The following ERBB4 variants were observed in gnomAD, a reference collection of about 807,000 sequenced individuals.
The protein encoded by ERBB4 is receptor tyrosine-protein kinase erbB-4.
A neutral mutation model predicts 158.0 loss-of-function variants in ERBB4; 42 were observed. The observed-to-expected ratio is 0.27, with a 90% CI of 0.21 to 0.34. The LOEUF is 0.34. Ranked by LOEUF, ERBB4 falls within the 10% of genes least tolerant of loss-of-function variation. The probability of loss-of-function intolerance (pLI) is 1.00; values close to 1 mark genes in which losing one functional copy is unlikely to be tolerated. For missense variants in ERBB4, 1,333 were observed against 1,624.1 expected (o/e 0.82, Z 3.08); for synonymous variants, 583 against 558.7 (o/e 1.04, Z -0.61).
intron 4 of ERBB4, among the ~76,000 whole-genome samples, chr2:211,755,448 G>A (rs1376426902): frequency 1.3e-5 from 2 of 152,206 alleles, no homozygotes; most frequent in African/African-American, 4.8e-5. Flanking sequence ...GTTGCAGTGA[G>A]CCATGATTGC....
chr2:211,702,257 G>T, intron 11 of ERBB4, 91 bp from the exon 12 acceptor site: 1 of 966,490 alleles, frequency 1.0e-6, no homozygotes, highest in South Asian at 1.3e-5. Flanking sequence ...GAATGTTAAT[G>T]GTGTATAAAT....
chr2:211,769,351 C>T (rs1322284336), intron 4 of ERBB4, among the ~76,000 whole-genome samples: 1 of 152,154 alleles, frequency 6.6e-6, no homozygotes, highest in African/African-American at 2.4e-5. Context: ...CTGAGCTCTC[C>T]ATATTCAAAC....
At chr2:211,897,957 T>C (rs79105728) in intron 3 of ERBB4, among the ~76,000 whole-genome samples, 2,560 of 151,908 alleles carry the variant, frequency 0.017, 86 homozygotes, top group African/African-American at 0.059. Context: ...AGAGAAGGGG[T>C]CTCACTTTGT....
chr2:211,542,702 T>G (rs562924090), intron 20 of ERBB4, among the ~76,000 whole-genome samples: 2 of 152,086 alleles, frequency 1.3e-5, no homozygotes, highest in East Asian at 1.9e-4. Context: ...TTTTTGCATT[T>G]TTTTAATCTC....
At chr2:212,125,047 G>A in intron 1 of ERBB4, 144 bp from the exon 2 acceptor site, 1 of 913,890 alleles carries the variant, frequency 1.1e-6, no homozygotes, top group Non-Finnish European at 1.7e-6. Context: ...AAGAGGCATA[G>A]ACCCACGCAC....
intron 3 of ERBB4, among the ~76,000 whole-genome samples, chr2:211,940,891 C>T (rs796657773): frequency 1.3e-4 from 20 of 152,228 alleles, no homozygotes; most frequent in Middle Eastern, 3.4e-3. Flanking sequence ...AGTTCTCTAA[C>T]GAATCAGTTG....
At chr2:212,352,687 G>A (rs924339440) in intron 1 of ERBB4, among the ~76,000 whole-genome samples, 1 of 151,958 alleles carries the variant, frequency 6.6e-6, no homozygotes, top group African/African-American at 2.4e-5. Context: ...GACCAACATG[G>A]TGAAACCCCA....
At chr2:212,197,477 A>G (rs1188882169) in intron 1 of ERBB4, among the ~76,000 whole-genome samples, 2 of 152,138 alleles carry the variant, frequency 1.3e-5, no homozygotes, top group Non-Finnish European at 2.9e-5. Flanking sequence ...TTTTATTATC[A>G]TTTTATATAT....
At position 211,615,612 on chromosome 2, in the gene ERBB4, T is replaced by C. The variant is rs115047178; in HGVS notation, c.2301+3565A>G. ...CCTGGGTGACCAAACTCTCCTTCTC[T>C]TGCTTTTAGTGTAGCATTTAATAGA... is the stretch of plus-strand genomic sequence containing the variant. On this transcript the variant is annotated intron_variant, in intron 19 of 27. Transcript: ENST00000342788. Among the ~76,000 whole-genome samples, 622 of 152,258 alleles carry C rather than the reference T, an allele frequency of 4.1e-3. 1 individual carries two copies. Among genetic ancestry groups the C allele is most frequent in the African/African-American group, 0.014 (600 of 41,568 alleles).
intron 7 of ERBB4, among the ~76,000 whole-genome samples, chr2:211,714,147 A>G (rs2073818765): frequency 1.3e-5 from 2 of 152,232 alleles, no homozygotes; most frequent in African/African-American, 4.8e-5. Flanking sequence ...TATACGAAGA[A>G]ACGAAATAAA....
intron 6 of ERBB4, among the ~76,000 whole-genome samples, chr2:211,723,083 A>G (rs1374446598): frequency 6.6e-6 from 1 of 152,218 alleles, no homozygotes; most frequent in Non-Finnish European, 1.5e-5. Flanking sequence ...GTAAAGAGGT[A>G]ATTAGCTACA....
intron 2 of ERBB4, among the ~76,000 whole-genome samples, chr2:212,024,365 T>A (rs2076726150): frequency 6.6e-6 from 1 of 151,966 alleles, no homozygotes; most frequent in Non-Finnish European, 1.5e-5. Flanking sequence ...GTTATCTTTA[T>A]ATTATCAGAA....
intron 3 of ERBB4, among the ~76,000 whole-genome samples, chr2:211,838,874 T>C (rs1403901911): frequency 6.6e-6 from 1 of 152,058 alleles, no homozygotes; most frequent in Non-Finnish European, 1.5e-5. Context: ...GAACTGAAGC[T>C]ATTGAACTCT....
At chr2:211,594,325 G>A (rs2068565704) in intron 19 of ERBB4, among the ~76,000 whole-genome samples, 1 of 152,058 alleles carries the variant, frequency 6.6e-6, no homozygotes, top group Non-Finnish European at 1.5e-5. Context: ...TGTAGTCCCA[G>A]CTACTCAGGA....
At chr2:212,159,239 G>T (rs1036970380) in intron 1 of ERBB4, among the ~76,000 whole-genome samples, 1 of 149,160 alleles carries the variant, frequency 6.7e-6, no homozygotes, top group African/African-American at 2.5e-5. Flanking sequence ...CTGTTTTAAG[G>T]TAGTAAACCG....
At chr2:211,469,579 A>G (rs2064781811) in intron 20 of ERBB4, among the ~76,000 whole-genome samples, 1 of 152,210 alleles carries the variant, frequency 6.6e-6, no homozygotes, top group Non-Finnish European at 1.5e-5. Flanking sequence ...TTATAATGAC[A>G]GAAGAATTTT....
At chr2:211,702,227 G>A (rs1455322660) in intron 11 of ERBB4, 61 bp from the exon 12 acceptor site, 2 of 1,210,326 alleles carry the variant, frequency 1.7e-6, no homozygotes, top group Middle Eastern at 1.9e-4. Flanking sequence ...AAATAAGGCT[G>A]TCACATTTTA....
chr2:211,549,995 C>G lies in ERBB4; in HGVS notation c.2487+11908G>C, dbSNP rs528197418. On this transcript the variant is annotated intron_variant, in intron 20 of 27. Transcript: ENST00000342788. Reference sequence around the variant, plus strand: ...CCAATTCTAATAGGTGCTCACCAAGCCAGAATAATTTTTCCCCAGCTTTAT... The same window carrying G: ...CCAATTCTAATAGGTGCTCACCAAGGCAGAATAATTTTTCCCCAGCTTTAT... Among the ~76,000 whole-genome samples the G allele has an allele frequency of 2.2e-4, 34 of 152,134 alleles. No homozygotes were observed. In the South Asian group the frequency reaches 6.6e-3, roughly 30 times the overall value.
intron 1 of ERBB4, among the ~76,000 whole-genome samples, chr2:212,350,254 C>A (rs1432743542): frequency 6.6e-6 from 1 of 152,054 alleles, no homozygotes; most frequent in Non-Finnish European, 1.5e-5. Flanking sequence ...ATTTTCCTAG[C>A]TGACAACATA....
Sources: gnomAD v4.1 joint callset for allele counts (sites outside exome capture counted in the v4.1 genomes callset) on GRCh38, gnomAD v4.1.1 for gene constraint, MANE v1.5 for transcripts, NCBI Gene and HGNC (gene_info 2026-07-23, HGNC 2026-07-21) for gene names.